Variants in TUBGCP5 observed in about 807,000 individuals in gnomAD.
TUBGCP5 encodes gamma-tubulin complex component 5.
In TUBGCP5, 98 loss-of-function variants were observed where a neutral mutation model predicts 134.7. The ratio of observed to expected loss-of-function variants is 0.73; its 90% CI spans 0.62 to 0.86. TUBGCP5 has a LOEUF of 0.86. Ranked by LOEUF, TUBGCP5 falls within the 40% of genes least tolerant of loss-of-function variation. The pLI is 0.00. For synonymous variants in TUBGCP5, 456 were observed against 431.4 expected, an observed-to-expected ratio of 1.06 and a Z score of -0.71; for missense variants, 1,150 against 1,244.8, an observed-to-expected ratio of 0.92 and a Z score of 1.15.
At chr15:22,989,487 G>A (rs982725918) in intron 23 of TUBGCP5, among the ~76,000 whole-genome samples, 1 of 152,056 alleles carries the variant, frequency 6.6e-6, no homozygotes, top group Non-Finnish European at 1.5e-5. Context: ...TGTTAACTTG[G>A]CACCCATACA....
At chr15:23,004,924 CTT>C (rs1050318027) in intron 19 of TUBGCP5, among the ~76,000 whole-genome samples, 1 of 152,204 alleles carries the variant, frequency 6.6e-6, no homozygotes, top group South Asian at 2.1e-4. Context: ...TAATACTGCT[CTT>C]GTTCCAATTT....
At chr15:23,025,523 T>TC (rs2065933451) in intron 8 of TUBGCP5, among the ~76,000 whole-genome samples, 1 of 152,176 alleles carries the variant, frequency 6.6e-6, no homozygotes, top group Admixed American at 6.5e-5. Flanking sequence ...CTCATTGATA[T>TC]ACTCCACCTA....
intron 23 of TUBGCP5, among the ~76,000 whole-genome samples, chr15:22,984,613 C>T (rs982327015): frequency 7.0e-6 from 1 of 143,232 alleles, no homozygotes; most frequent in African/African-American, 2.7e-5. Flanking sequence ...AGAGAGACTC[C>T]GTGTTAAAAA....
Position 23,036,908 on chromosome 15 carries a change from T to C in TUBGCP5, c.298A>G (p.Lys100Glu), listed in dbSNP as rs2066620754. ...AATTGAAGGCATACCTTTATTTCCT[T>C]TATACTGGGAAGTGGTGCATTTAGA... ...EFLNAPLPSI[K>E]EIKTDAHYSI... The change falls in exon 3 of 23, where the codon AAG becomes GAG. Residue 100 changes from lysine (K) to glutamate (E), a missense_variant. Physicochemically the swap from Lys to Glu is moderately conservative, Grantham distance 56. Transcript: ENST00000615383. 1.2e-6 allele frequency: 2 copies of C among 1,603,988 alleles called. No individual in the cohort carries two copies. The highest frequency in any genetic ancestry group is 1.7e-6 in the Non-Finnish European group (2 of 1,171,754).
At chr15:23,038,942 A>G (rs922250592) in intron 1 of TUBGCP5, among the ~76,000 whole-genome samples, 15 of 152,166 alleles carry the variant, frequency 9.9e-5, no homozygotes, top group Admixed American at 6.5e-5. Context: ...GTGTCATGAC[A>G]CGCGTTTTGG....
chr15:23,014,405 G>A (rs905004030), intron 13 of TUBGCP5, among the ~76,000 whole-genome samples: 1 of 152,246 alleles, frequency 6.6e-6, no homozygotes, highest in African/African-American at 2.4e-5. Context: ...AGCGGCCACA[G>A]GCCTGCATAC....
In TUBGCP5 at chr15:22,988,534, C is replaced by T. The variant is rs554163353; in HGVS notation, c.*62-4923G>A. On this transcript the variant is annotated intron_variant and NMD_transcript_variant, in intron 23 of 23. Transcript: ENST00000614508. ...GTATCACGAGGTCAGGAGATCGAGA[C>T]CATCCTGGCTAACACAGTGAAACCC... Among the ~76,000 whole-genome samples the T allele has an allele frequency of 1.7e-4, 25 of 151,442 alleles. 1 individual carries two copies. The highest frequency in any genetic ancestry group is 6.3e-4 in the South Asian group (3 of 4,794).
rs905395504 is a variant in TUBGCP5 at position 23,003,066 on chromosome 15, G to A, written c.2926C>T (p.Arg976Ter). Reference sequence around the variant, plus strand: ...ATGCTGCAGAAATCACATACTTACCGCCAAGTGCCCAGGCCTGCCTGCCAA... The same window carrying A: ...ATGCTGCAGAAATCACATACTTACCACCAAGTGCCCAGGCCTGCCTGCCAA... The part of the protein sequence containing the change: ...DGWQAGLGTW[R>*]MESIEKMESD... The change falls in exon 21 of 23, where the codon CGA (arginine) becomes TGA (stop). Residue 976 changes from arginine to a stop codon, truncating the protein, a stop_gained and splice_region_variant. Transcript: ENST00000615383. LOFTEE classifies it high-confidence loss of function. The A allele has an allele frequency of 6.8e-6, 11 of 1,613,764 alleles. No individual in the cohort carries two copies. Among genetic ancestry groups the A allele is most frequent in the African/African-American group, 2.7e-5 (2 of 74,872 alleles).
chr15:23,020,093 A>G (rs928624904), intron 11 of TUBGCP5, among the ~76,000 whole-genome samples: 6 of 151,740 alleles, frequency 4.0e-5, no homozygotes, highest in Non-Finnish European at 7.4e-5. Flanking sequence ...CCTGGCCAAT[A>G]TGGTGAAACC....
At chr15:22,998,552 G>C (rs552649279), downstream of TUBGCP5, among the ~76,000 whole-genome samples, 1 of 151,974 alleles carries the variant, frequency 6.6e-6, no homozygotes, top group Non-Finnish European at 1.5e-5. Context: ...TTGACCTCCC[G>C]GTCTCAATCG....
In TUBGCP5 at chr15:23,026,910, G is replaced by T. The variant is rs142229823; in HGVS notation, c.737+282C>A. On this transcript the variant is annotated intron_variant, in intron 7 of 22. Coordinates refer to ENST00000615383, the MANE Select transcript of TUBGCP5 (RefSeq NM_052903.6). ...ATTACGCCACTGCACTCCAGCCAGG[G>T]TGACAGAGCGAGACTTTGTCTCCCC... Among the ~76,000 whole-genome samples the T allele has an allele frequency of 8.7e-3, 1,318 of 152,166 alleles. 22 individuals are homozygous for T. Among genetic ancestry groups the T allele is most frequent in the African/African-American group, 0.03 (1,264 of 41,498 alleles).
At chr15:23,011,648 G>C (rs2065039293) in intron 13 of TUBGCP5, among the ~76,000 whole-genome samples, 1 of 149,152 alleles carries the variant, frequency 6.7e-6, no homozygotes, top group South Asian at 2.1e-4. Context: ...GGGATTACAG[G>C]CATGTGCCAC....
Position 23,031,536 on chromosome 15 carries a change from G to A in TUBGCP5, c.486+414C>T, listed in dbSNP as rs367584783. Among the ~76,000 whole-genome samples, 10 of 151,846 alleles carry A rather than the reference G, an allele frequency of 6.6e-5. No individual in the cohort carries two copies. The East Asian group carries it at 1.9e-3, about 29-fold the overall frequency. ...TCACTATGTTGCCCAGGCTGCTCTC[G>A]AACTCCTCTGGCCTCAAGTGATCCG... On this transcript the variant is annotated intron_variant, in intron 5 of 22. Coordinates refer to ENST00000615383, the MANE Select transcript of TUBGCP5 (RefSeq NM_052903.6).
Position 23,008,900 on chromosome 15 carries a change from A to C in TUBGCP5, c.2145-19T>G. 1 of 1,530,856 alleles carries C rather than the reference A, an allele frequency of 6.5e-7. No individual in the cohort carries two copies. The highest frequency in any genetic ancestry group is 8.7e-7 in the Non-Finnish European group (1 of 1,146,206). The allele number at this position is 1,530,856 out of a possible 1,614,324, so 94.8% of individuals were successfully genotyped here. ...TACCAACCTGAATGGAGAGAAAATG[A>C]GTGACACTAAGATCTCTGGCATTCG... On this transcript the variant is annotated intron_variant, in intron 15 of 22. Coordinates refer to ENST00000615383, the MANE Select transcript of TUBGCP5 (RefSeq NM_052903.6).
chr15:22,987,893 CTCAAAA>C (rs2063726101), intron 23 of TUBGCP5, among the ~76,000 whole-genome samples: 1 of 79,928 alleles, frequency 1.3e-5, no homozygotes, highest in Admixed American at 1.4e-4. Flanking sequence ...GAGACTCCAT[CTCAAAA>C]AAAAAAAAAA....
chr15:23,036,949 C>T lies in TUBGCP5; in HGVS notation c.257G>A (p.Arg86Lys), dbSNP rs371479540. 100 of 1,612,654 alleles carry T rather than the reference C, an allele frequency of 6.2e-5. 1 individual carries two copies. The highest frequency in any genetic ancestry group is 8.2e-5 in the Non-Finnish European group (97 of 1,179,482). Residue 86 changes from arginine (R) to lysine (K), a missense_variant, in exon 3 of 23, where the codon AGA becomes AAA. Around this residue, in one of 2 missense-constraint regions of TUBGCP5, gnomAD observed 453 missense variants for 394.7 expected, o/e 1.15. Coordinates refer to ENST00000615383, the MANE Select transcript of TUBGCP5 (RefSeq NM_052903.6). ...TGCATTTAGAAATTCCTCCGTTAAT[C>T]TCTTCCAACTAGCAGCTTTGCTTAG... ...SDLSKAASWK[R>K]LTEEFLNAPL...
chr15:23,021,278 G>GT (rs1216577206), intron 11 of TUBGCP5, among the ~76,000 whole-genome samples: 1 of 151,894 alleles, frequency 6.6e-6, no homozygotes, highest in Non-Finnish European at 1.5e-5. Context: ...GCCTAGATTT[G>GT]TATTTTTTAA....
At chr15:23,005,899 T>C (rs928702143) in intron 18 of TUBGCP5, 153 bp downstream of exon 18, 2 of 814,962 alleles carry the variant, frequency 2.5e-6, no homozygotes, top group Non-Finnish European at 3.7e-6. Flanking sequence ...ATACGCACCA[T>C]TTTGGCATTT....
At chr15:22,990,912 T>C (rs1370546182) in intron 23 of TUBGCP5, among the ~76,000 whole-genome samples, 4 of 152,126 alleles carry the variant, frequency 2.6e-5, no homozygotes, top group Non-Finnish European at 5.9e-5. Flanking sequence ...AGTCATAGAA[T>C]GCTGGCAGCC....
Sources: gnomAD v4.1 joint callset for allele counts (sites outside exome capture counted in the v4.1 genomes callset) on GRCh38, gnomAD v4.1.1 for gene constraint, gnomAD v4.1.1 regional missense constraint, MANE v1.5 for transcripts, NCBI Gene and HGNC (gene_info 2026-07-23, HGNC 2026-07-21) for gene names.